Variants in MTMR3 observed in about 807,000 individuals in gnomAD.
MTMR3 encodes the protein myotubularin related protein 3.
Under a neutral mutation model 132.4 loss-of-function variants are expected in MTMR3, and 32 were observed. That is an observed-to-expected ratio of 0.24 (90% CI 0.18 to 0.32). The LOEUF (loss-of-function observed/expected upper bound fraction) is 0.32, where lower values mean the gene tolerates loss of function less well. Ranked by LOEUF, MTMR3 falls within the 10% of genes least tolerant of loss-of-function variation. The probability of loss-of-function intolerance (pLI) is 1.00; values close to 1 mark genes in which losing one functional copy is unlikely to be tolerated. For synonymous variants in MTMR3, 556 were observed against 550.3 expected, an observed-to-expected ratio of 1.01 and a Z score of -0.14; for missense variants, 1,216 against 1,489.6, an observed-to-expected ratio of 0.82 and a Z score of 3.02.
rs1233860315 is a variant in MTMR3 at position 29,949,153 on chromosome 22, C to A, written c.-137-7883C>A. 2.3e-3 allele frequency among the ~76,000 whole-genome samples: 145 copies of A among 63,474 alleles called. 7 individuals carry two copies. Among genetic ancestry groups the A allele is most frequent in the East Asian group, 6.6e-3 (17 of 2,568 alleles). 41.6% of individuals were successfully genotyped at this position (63,474 alleles called of 152,430 possible). A position where few individuals can be genotyped will look rare whatever the true frequency, so the allele number is the denominator to read the frequency against. ...CACACACACACACACACCCCCCCCC[C>A]CCCCCCCGAGGCCCTGTCTTAAAAC... On this transcript the variant is annotated intron_variant, in intron 1 of 19. Transcript: ENST00000401950.
chr22:29,957,261 TTA>T (rs1362732580), intron 2 of MTMR3, among the ~76,000 whole-genome samples, 173 bp downstream of exon 2: 1 of 16,294 alleles, frequency 6.1e-5, no homozygotes, highest in Non-Finnish European at 1.7e-4. Context: ...TTACATGTGA[TTA>T]TTTTTTTTTT....
rs187418354 is a variant in MTMR3 at position 30,015,426 on chromosome 22, C to T, written c.1504-1102C>T. On this transcript the variant is annotated intron_variant, in intron 14 of 19. Coordinates refer to ENST00000401950, the MANE Select transcript of MTMR3 (RefSeq NM_021090.4). ...TTGATCTTCCAGAAGTCTTCTCTCT[C>T]ACCATATGGCATTTCCATCCCTCCT... 346 of 152,144 alleles carry T rather than the reference C, an allele frequency of 2.3e-3. 1 individual carries two copies. The highest frequency in any genetic ancestry group is 8.0e-3 in the African/African-American group (331 of 41,488). 9.4% of individuals were successfully genotyped at this position (152,144 alleles called of 1,614,324 possible).
intron 2 of MTMR3, among the ~76,000 whole-genome samples, chr22:29,966,012 TA>T (rs1006939871): frequency 6.6e-6 from 1 of 152,156 alleles, no homozygotes; most frequent in African/African-American, 2.4e-5. Context: ...CCATTATGGT[TA>T]AAAAAACTTT....
intron 1 of MTMR3, among the ~76,000 whole-genome samples, chr22:29,904,065 A>G (rs952534151): frequency 6.6e-6 from 1 of 152,186 alleles, no homozygotes; most frequent in Non-Finnish European, 1.5e-5. Context: ...ATGTGGCTCT[A>G]TGATGTGGAC....
rs1246974617 is a variant in MTMR3, at chr22:30,012,556, C to T, written c.1310C>T (p.Thr437Ile). The change falls in exon 13 of 20, where the codon ACC becomes ATC. Residue 437 changes from threonine to isoleucine, a missense_variant. By Grantham distance (89) the Thr-to-Ile change is moderately conservative. Transcript: ENST00000401950. Reference protein sequence around the residue: ...AKLLLDPYYRTIEGFQVLVEM... With the variant: ...AKLLLDPYYRIIEGFQVLVEM... The stretch of plus-strand genomic sequence containing the variant: ...CTCTTGCTGGACCCTTATTACCGAA[C>T]CATAGAGGTGAGCCCATCCAAATGG... The T allele has an allele frequency of 3.1e-6, 5 of 1,609,484 alleles. No individual in the cohort carries two copies. The highest frequency in any genetic ancestry group is 3.4e-5 in the Admixed American group (2 of 59,162).
At chr22:29,904,840 G>A (rs2065066776) in intron 1 of MTMR3, among the ~76,000 whole-genome samples, 2 of 145,130 alleles carry the variant, frequency 1.4e-5, no homozygotes, top group Non-Finnish European at 3.1e-5. Context: ...GTGTGTGTGT[G>A]TCTTGGTTTT....
At chr22:29,933,031 C>T (rs1410663050) in intron 1 of MTMR3, among the ~76,000 whole-genome samples, 5 of 151,994 alleles carry the variant, frequency 3.3e-5, no homozygotes, top group African/African-American at 1.2e-4. Flanking sequence ...TGCAGTGGTG[C>T]GATCTCAGTT....
chr22:29,894,898 G>A lies in MTMR3; in HGVS notation c.-138+11539G>A, dbSNP rs555624648. Among the ~76,000 whole-genome samples the A allele has an allele frequency of 1.2e-4, 19 of 152,240 alleles. No individual in the cohort carries two copies. In the East Asian group the frequency reaches 1.3e-3, roughly 11 times the overall value. On this transcript the variant is annotated intron_variant, in intron 1 of 19. Coordinates refer to ENST00000401950, the MANE Select transcript of MTMR3 (RefSeq NM_021090.4). ...TGGGTTAAGACATTTGTTATTATCGGCCCTTACTTTATTCTTTTAAAGAGT... is the reference window on the plus strand; with the variant it reads ...TGGGTTAAGACATTTGTTATTATCGACCCTTACTTTATTCTTTTAAAGAGT...
At chr22:30,000,466 A>C (rs2067147385) in intron 8 of MTMR3, 1 of 139,256 alleles carries the variant, frequency 7.2e-6, no homozygotes, top group African/African-American at 3.0e-5. Flanking sequence ...GTCTTAAAAA[A>C]TAAAAAAAAT....
At chr22:29,927,930 C>A (rs1369943326) in intron 1 of MTMR3, among the ~76,000 whole-genome samples, 1 of 143,826 alleles carries the variant, frequency 7.0e-6, no homozygotes, top group African/African-American at 2.5e-5. Context: ...GCTAAAATCT[C>A]TAGCCTTTGT....
rs574630007 is a variant in MTMR3, at chr22:29,994,979, A to T, written c.460+3309A>T. 2.0e-5 allele frequency: 3 copies of T among 152,404 alleles called. No homozygotes were observed. The East Asian group carries it at 5.8e-4, about 29-fold the overall frequency. 9.4% of individuals were successfully genotyped at this position (152,404 alleles called of 1,614,324 possible). On this transcript the variant is annotated intron_variant, in intron 7 of 19. Transcript: ENST00000401950. ...CTAAAAGCTTCTCTCCCATGTCCTT[A>T]ACTTCCTGCTCCTCATTGCAATTGA...
intron 1 of MTMR3, among the ~76,000 whole-genome samples, chr22:29,907,793 T>C (rs2065132717): frequency 6.6e-6 from 1 of 152,250 alleles, no homozygotes; most frequent in Admixed American, 6.5e-5. Context: ...TGTATCTTTT[T>C]TTTTGATACA....
intron 1 of MTMR3, among the ~76,000 whole-genome samples, chr22:29,953,190 G>A (rs2145836660): frequency 6.6e-6 from 1 of 152,298 alleles, no homozygotes; most frequent in African/African-American, 2.4e-5. Flanking sequence ...AGACTATGTA[G>A]AAAGTATTCT....
intron 6 of MTMR3, chr22:29,991,287 A>G: frequency 2.6e-6 from 1 of 381,770 alleles, no homozygotes; most frequent in African/African-American, 2.1e-5. Flanking sequence ...AGGTTTTCCA[A>G]TGGTCAGCTT....
rs5844883 is a variant in MTMR3 at position 29,947,502 on chromosome 22, T to TAA, written c.-137-9523_-137-9522dup. On this transcript the variant is annotated intron_variant, in intron 1 of 19. Transcript: ENST00000401950. ...AGTTAATTTAGCCAGTATGCTAAATTAAAAAAAAAAAACAAAAAACCCTGC... is the reference window on the plus strand; with the variant it reads ...AGTTAATTTAGCCAGTATGCTAAATTAAAAAAAAAAAAAACAAAAAACCCTGC... Among the ~76,000 whole-genome samples, 179 of 145,060 alleles carry TAA rather than the reference T, an allele frequency of 1.2e-3. 1 individual carries two copies. The South Asian group carries it at 0.012, about 10-fold the overall frequency.
intron 1 of MTMR3, among the ~76,000 whole-genome samples, chr22:29,938,217 T>C (rs749557770): frequency 6.6e-6 from 1 of 152,236 alleles, no homozygotes; most frequent in Non-Finnish European, 1.5e-5. Flanking sequence ...AAATCGTAAC[T>C]GTTTTCCTGG....
intron 1 of MTMR3, among the ~76,000 whole-genome samples, chr22:29,940,930 A>G (rs2065845200): frequency 6.7e-6 from 1 of 149,932 alleles, no homozygotes; most frequent in Non-Finnish European, 1.5e-5. Flanking sequence ...AAAATATAAC[A>G]CTGACCTTGG....
At chr22:29,883,810 G>A (rs1339928625) in intron 1 of MTMR3, among the ~76,000 whole-genome samples, 1 of 152,182 alleles carries the variant, frequency 6.6e-6, no homozygotes, top group East Asian at 1.9e-4. Context: ...GGCCATGGGA[G>A]CCCCGGGGCG....
chr22:29,934,035 A>G (rs1335979060), intron 1 of MTMR3, among the ~76,000 whole-genome samples: 4 of 152,178 alleles, frequency 2.6e-5, no homozygotes, highest in Non-Finnish European at 5.9e-5. Flanking sequence ...TATAATATCT[A>G]TGGAAGTGAA....
Sources: gnomAD v4.1 joint callset for allele counts (sites outside exome capture counted in the v4.1 genomes callset) on GRCh38, gnomAD v4.1.1 for gene constraint, MANE v1.5 for transcripts, NCBI Gene and HGNC (gene_info 2026-07-23, HGNC 2026-07-21) for gene names.